Variants in SMC6 observed in about 807,000 individuals in gnomAD.
The protein encoded by SMC6 is structural maintenance of chromosomes protein 6.
Under a neutral mutation model 142.2 loss-of-function variants are expected in SMC6, and 79 were observed. The observed-to-expected ratio is 0.56, with a 90% CI of 0.46 to 0.67. The LOEUF is 0.67. Among genes scored for constraint, SMC6 ranks in the 30% least tolerant of loss-of-function variants. The pLI is 0.00. For missense variants in SMC6, 1,072 were observed against 1,284.0 expected, an observed-to-expected ratio of 0.83 and a Z score of 2.52; for synonymous variants, 411 against 412.4, an observed-to-expected ratio of 1.00 and a Z score of 0.04.
At chr2:17,751,217 C>T (rs929096118) in intron 2 of SMC6, among the ~76,000 whole-genome samples, 8 of 151,946 alleles carry the variant, frequency 5.3e-5, no homozygotes, top group East Asian at 1.9e-4. Flanking sequence ...CAGTAGCTCA[C>T]GCCTTGTCAT....
At chr2:17,683,842 C>G in intron 23 of SMC6, 79 bp from the exon 24 acceptor site, 1 of 1,356,952 alleles carries the variant, frequency 7.4e-7, no homozygotes, top group Non-Finnish European at 1.0e-6. Flanking sequence ...ACAGATTTAA[C>G]TGGGAAGAAC....
intron 26 of SMC6, among the ~76,000 whole-genome samples, chr2:17,668,084 G>GGATACA (rs1277817151): frequency 1.3e-5 from 2 of 152,096 alleles, no homozygotes. Context: ...CACAGAACTT[G>GGATACA]GATACATTCT....
intron 2 of SMC6, 55 bp downstream of exon 2, chr2:17,752,921 TTC>T: frequency 1.5e-6 from 1 of 668,222 alleles, no homozygotes; most frequent in South Asian, 6.7e-5. Flanking sequence ...CTCACAAAAC[TTC>T]TGTCTTGAGG....
intron 25 of SMC6, among the ~76,000 whole-genome samples, chr2:17,675,752 A>AT (rs916175045): frequency 5.3e-4 from 80 of 151,872 alleles, no homozygotes; most frequent in Middle Eastern, 6.8e-3. Context: ...ACTAATGCAT[A>AT]TTTTTTCTCT....
chr2:17,693,956 C>T (rs6753927), intron 23 of SMC6, among the ~76,000 whole-genome samples: 12,548 of 139,950 alleles, frequency 0.09, 974 homozygotes, highest in African/African-American at 0.22. Flanking sequence ...GCCGAGATCA[C>T]GCCATTGCAC....
At chr2:17,727,736 T>C (rs1289576481) in intron 7 of SMC6, among the ~76,000 whole-genome samples, 3 of 152,192 alleles carry the variant, frequency 2.0e-5, no homozygotes. Context: ...ATTGTATAAA[T>C]GAAAAACACT....
intron 25 of SMC6, among the ~76,000 whole-genome samples, chr2:17,675,068 CTTTA>C (rs903254753): frequency 1.3e-5 from 2 of 151,924 alleles, no homozygotes; most frequent in African/African-American, 4.8e-5. Flanking sequence ...TCCATATGTT[CTTTA>C]TTTCTCTTCC....
At chr2:17,704,717 C>T (rs573949304) in intron 18 of SMC6, among the ~76,000 whole-genome samples, 37 of 152,098 alleles carry the variant, frequency 2.4e-4, no homozygotes, top group African/African-American at 8.9e-4. Context: ...ATAGTATATA[C>T]AACATTTACT....
intron 25 of SMC6, among the ~76,000 whole-genome samples, chr2:17,671,415 T>C (rs956760797): frequency 4.8e-5 from 7 of 147,160 alleles, no homozygotes; most frequent in African/African-American, 1.5e-4. Flanking sequence ...CTGGGCAACA[T>C]GGGGAAACCT....
intron 25 of SMC6, among the ~76,000 whole-genome samples, chr2:17,673,844 T>C (rs1178973349): frequency 6.6e-6 from 1 of 152,026 alleles, no homozygotes; most frequent in Non-Finnish European, 1.5e-5. Context: ...GCCGGGATTA[T>C]AGGCATGAGC....
At chr2:17,749,756 G>A (rs550836358) in intron 2 of SMC6, among the ~76,000 whole-genome samples, 144 of 152,222 alleles carry the variant, frequency 9.5e-4, no homozygotes, top group African/African-American at 3.0e-3. Flanking sequence ...ATTTGATAGA[G>A]ATCATGCATT....
chr2:17,672,872 A>G (rs1666829867), intron 25 of SMC6, among the ~76,000 whole-genome samples: 1 of 152,296 alleles, frequency 6.6e-6, no homozygotes, highest in African/African-American at 2.4e-5. Context: ...GTTTTGGGCT[A>G]TGATAAATAA....
intron 26 of SMC6, 91 bp from the exon 27 acceptor site, chr2:17,666,608 T>C: frequency 1.1e-6 from 1 of 878,900 alleles, no homozygotes; most frequent in Non-Finnish European, 1.9e-6. Flanking sequence ...AGCTCCTGGA[T>C]TTTCATCCAG....
At chr2:17,670,385 CA>C in intron 26 of SMC6, 37 bp downstream of exon 26, 3 of 1,574,994 alleles carry the variant, frequency 1.9e-6, no homozygotes, top group Non-Finnish European at 1.7e-6. Flanking sequence ...TTCAAACAAA[CA>C]AAAAAATGAA....
intron 25 of SMC6, 42 bp from the exon 26 acceptor site, chr2:17,670,617 A>G: frequency 6.7e-7 from 1 of 1,485,336 alleles, no homozygotes. Context: ...AACTAAGTAA[A>G]TGAAAGGCCA....
intron 16 of SMC6, 111 bp from the exon 17 acceptor site, chr2:17,708,864 G>T: frequency 3.2e-6 from 1 of 308,774 alleles, no homozygotes; most frequent in East Asian, 5.0e-5. Flanking sequence ...ATATATATTT[G>T]TAATGGGGGA....
chr2:17,686,039 G>A (rs1667440691), intron 23 of SMC6, among the ~76,000 whole-genome samples: 1 of 152,080 alleles, frequency 6.6e-6, no homozygotes, highest in African/African-American at 2.4e-5. Flanking sequence ...ATGATGGAAT[G>A]TAATTAAAGT....
intron 5 of SMC6, among the ~76,000 whole-genome samples, chr2:17,737,336 G>C (rs1288242789): frequency 6.6e-6 from 1 of 152,208 alleles, no homozygotes; most frequent in Admixed American, 6.5e-5. Flanking sequence ...TGAGAAAAAA[G>C]ATATTAGTGT....
At chr2:17,715,173 C>T (rs1669020998) in intron 15 of SMC6, 108 bp from the exon 16 acceptor site, 1 of 1,015,668 alleles carries the variant, frequency 9.8e-7, no homozygotes, top group Non-Finnish European at 1.4e-6. Flanking sequence ...TTATATAAAG[C>T]AGTTTAAATG....
Sources: allele counts gnomAD v4.1 joint callset (sites outside exome capture counted in the v4.1 genomes callset), GRCh38; gene constraint gnomAD v4.1.1; transcripts MANE v1.5; gene names NCBI Gene and HGNC (gene_info 2026-07-23, HGNC 2026-07-21).